The following N4BP2L2 variants were observed in gnomAD, a reference collection of about 807,000 sequenced individuals.
N4BP2L2 encodes the protein NEDD4-binding protein 2-like 2.
N4BP2L2 carries 50 observed loss-of-function variants against 56.2 expected under a neutral mutation model. The observed-to-expected ratio is 0.89, with a 90% CI of 0.71 to 1.13. The LOEUF is 1.13. N4BP2L2 is among the 50% of genes most tolerant of loss of function. The probability of loss-of-function intolerance (pLI) is 0.00; values close to 1 mark genes in which losing one functional copy is unlikely to be tolerated. For synonymous variants in N4BP2L2, 203 were observed against 223.6 expected (o/e 0.91, Z 0.82); for missense variants, 689 against 693.8 (o/e 0.99, Z 0.08).
chr13:32,497,535 T>C (rs761005074), intron 6 of N4BP2L2, among the ~76,000 whole-genome samples: 10 of 152,196 alleles, frequency 6.6e-5, no homozygotes, highest in Non-Finnish European at 1.0e-4. Flanking sequence ...CCTCTGGCCA[T>C]CACTGAAACT....
intron 6 of N4BP2L2, among the ~76,000 whole-genome samples, chr13:32,503,479 C>A (rs1012498445): frequency 1.3e-5 from 2 of 152,126 alleles, no homozygotes; most frequent in Non-Finnish European, 2.9e-5. Flanking sequence ...TGGGTTCCCA[C>A]CATCTTCCCT....
Position 32,536,722 on chromosome 13 carries a change from TA to T in N4BP2L2, c.305del (p.Leu102TyrfsTer8). On this transcript the variant is annotated frameshift_variant, in exon 2 of 6. Transcript: ENST00000267068. LOFTEE classifies it high-confidence loss of function. ...ATACTAATGGAGGACGTGCTTCCTG[TA>T]AAACCTGTGAATCAATGGATTCAAT... is the stretch of plus-strand genomic sequence containing the variant. The T allele has an allele frequency of 2.5e-6, 4 of 1,614,172 alleles. No individual in the cohort carries two copies. Among genetic ancestry groups the T allele is most frequent in the Non-Finnish European group, 3.4e-6 (4 of 1,180,004 alleles).
Position 32,446,475 on chromosome 13 carries a change from A to G in N4BP2L2, c.366-2349T>C, listed in dbSNP as rs747807173. Reference sequence around the variant, plus strand: ...CTCCCCTGTCTTTACTCAAATGTGAACCATCCTGTTGCAGGGCAAGGAGAA... The same window carrying G: ...CTCCCCTGTCTTTACTCAAATGTGAGCCATCCTGTTGCAGGGCAAGGAGAA... On this transcript the variant is annotated intron_variant, in intron 6 of 9. Transcript: ENST00000357505. 4 of 1,329,216 alleles carry G rather than the reference A, an allele frequency of 3.0e-6. No individual in the cohort carries two copies. The East Asian group carries it at 1.9e-4, about 65-fold the overall frequency. 82.3% of individuals were successfully genotyped at this position (1,329,216 alleles called of 1,614,324 possible).
At chr13:32,532,058 TC>T (rs1390577862) in intron 2 of N4BP2L2, among the ~76,000 whole-genome samples, 1 of 152,214 alleles carries the variant, frequency 6.6e-6, no homozygotes, top group Non-Finnish European at 1.5e-5. Context: ...ACCTTTGTGA[TC>T]ACACTGGGCC....
intron 7 of N4BP2L2, among the ~76,000 whole-genome samples, chr13:32,440,450 T>C (rs2076136368): frequency 6.6e-6 from 1 of 152,218 alleles, no homozygotes; most frequent in Non-Finnish European, 1.5e-5. Context: ...GACATTATCT[T>C]ATATATGCTT....
intron 2 of N4BP2L2, among the ~76,000 whole-genome samples, chr13:32,528,882 C>T (rs2053844984): frequency 6.6e-6 from 1 of 152,184 alleles, no homozygotes; most frequent in Non-Finnish European, 1.5e-5. Context: ...AGTTCTCTCC[C>T]TCAATATCCA....
intron 6 of N4BP2L2, chr13:32,504,475 G>C (rs1566139544): frequency 6.6e-6 from 1 of 151,968 alleles, no homozygotes; most frequent in African/African-American, 2.4e-5. Flanking sequence ...ATTGGATTAG[G>C]GCTCATATGT....
intron 6 of N4BP2L2, among the ~76,000 whole-genome samples, chr13:32,464,421 T>A (rs1429462532): frequency 6.6e-6 from 1 of 152,204 alleles, no homozygotes; most frequent in Non-Finnish European, 1.5e-5. Flanking sequence ...CTGATGGCAA[T>A]TCCAACAGAG....
chr13:32,443,675 CA>C lies in N4BP2L2; in HGVS notation c.816del (p.Asp273MetfsTer6), dbSNP rs2076643015. 1 of 1,609,676 alleles carries C rather than the reference CA, an allele frequency of 6.2e-7. No homozygotes were observed. Among genetic ancestry groups the C allele is most frequent in the African/African-American group, 1.3e-5 (1 of 74,816 alleles). ...TCTACCTTCATGCCAGAGCAGTCAT[CA>C]GTTGTTACACAGGAAAGGTTTTGAG... On this transcript the variant is annotated frameshift_variant, in exon 7 of 10. Coordinates refer to the N4BP2L2 transcript ENST00000357505. LOFTEE classifies it high-confidence loss of function.
At chr13:32,471,021 T>A (rs1254613913) in intron 6 of N4BP2L2, among the ~76,000 whole-genome samples, 1 of 152,228 alleles carries the variant, frequency 6.6e-6, no homozygotes, top group Non-Finnish European at 1.5e-5. Flanking sequence ...GCAGGCAAAG[T>A]AGCCAATGGG....
exon 2 of N4BP2L2, chr13:32,536,033 T>C (rs1286404869): frequency 3.1e-6 from 5 of 1,613,878 alleles, no homozygotes; most frequent in African/African-American, 1.3e-5. Flanking sequence ...ATTGTTCTGA[T>C]CAAAAGTCAT....
exon 7 of N4BP2L2, chr13:32,442,601 C>A: frequency 6.2e-7 from 1 of 1,613,852 alleles, no homozygotes; most frequent in Non-Finnish European, 8.5e-7. Context: ...CACGAAGTAT[C>A]AGGATGACTA....
intron 6 of N4BP2L2, among the ~76,000 whole-genome samples, chr13:32,482,720 A>G (rs2085030448): frequency 6.6e-6 from 1 of 152,130 alleles, no homozygotes; most frequent in Non-Finnish European, 1.5e-5. Flanking sequence ...GGTGAAAGAG[A>G]AAAGACTGCT....
intron 7 of N4BP2L2, among the ~76,000 whole-genome samples, chr13:32,439,703 T>C (rs2075979810): frequency 1.3e-5 from 2 of 152,070 alleles, no homozygotes; most frequent in Middle Eastern, 3.4e-3. Context: ...TTGGTGTTAG[T>C]AGGCGGGTAG....
chr13:32,455,420 G>C (rs1422511397), intron 6 of N4BP2L2, among the ~76,000 whole-genome samples: 1 of 152,174 alleles, frequency 6.6e-6, no homozygotes, highest in Non-Finnish European at 1.5e-5. Context: ...ATGTGCACAA[G>C]CCCTGAGATC....
intron 8 of N4BP2L2, among the ~76,000 whole-genome samples, chr13:32,436,569 C>T (rs1479496300): frequency 1.3e-5 from 2 of 151,954 alleles, no homozygotes; most frequent in African/African-American, 4.8e-5. Flanking sequence ...GTGGGTGGAT[C>T]ACCTGAGGTC....
chr13:32,457,754 C>G (rs1405201904), intron 6 of N4BP2L2, among the ~76,000 whole-genome samples: 1 of 152,144 alleles, frequency 6.6e-6, no homozygotes, highest in African/African-American at 2.4e-5. Context: ...AGTGAAAGGA[C>G]AGTATCTACC....
chr13:32,483,312 G>GA (rs1213905752), intron 6 of N4BP2L2, among the ~76,000 whole-genome samples: 1 of 152,204 alleles, frequency 6.6e-6, no homozygotes, highest in African/African-American at 2.4e-5. Flanking sequence ...TAAGGGCAGA[G>GA]AAGGGCCATT....
At chr13:32,442,974 G>T (rs751807040) in exon 7 of N4BP2L2, 2 of 1,613,570 alleles carry the variant, frequency 1.2e-6, no homozygotes, top group Non-Finnish European at 1.7e-6. Flanking sequence ...TTAGTCCATG[G>T]TTTTTTGTTA....
Sources: gnomAD v4.1 joint callset for allele counts (sites outside exome capture counted in the v4.1 genomes callset) on GRCh38, gnomAD v4.1.1 for gene constraint, MANE v1.5 for transcripts, NCBI Gene and HGNC (gene_info 2026-07-23, HGNC 2026-07-21) for gene names.